SCAPER: variants seen among roughly 807,000 people sequenced by gnomAD.
The protein encoded by SCAPER is S-phase cyclin A associated protein in the ER.
A neutral mutation model predicts 182.2 loss-of-function variants in SCAPER; 98 were observed. The observed-to-expected ratio is 0.54, with a 90% CI of 0.46 to 0.64. SCAPER has a LOEUF of 0.64. Ranked by LOEUF, SCAPER falls within the 30% of genes least tolerant of loss-of-function variation. The pLI is 0.00. For synonymous variants in SCAPER, 605 were observed against 564.6 expected, an observed-to-expected ratio of 1.07 and a Z score of -1.01; for missense variants, 1,432 against 1,690.0, an observed-to-expected ratio of 0.85 and a Z score of 2.68.
intron 20 of SCAPER, among the ~76,000 whole-genome samples, chr15:76,686,942 C>CTAGGTTTG (rs1185632309): frequency 4.6e-5 from 7 of 151,942 alleles, no homozygotes; most frequent in Admixed American, 4.6e-4. Flanking sequence ...GCAACATTAA[C>CTAGGTTTG]CAAAACTAGG....
chr15:76,698,959 T>A (rs1240236041), intron 20 of SCAPER, among the ~76,000 whole-genome samples: 1 of 152,244 alleles, frequency 6.6e-6, no homozygotes, highest in African/African-American at 2.4e-5. Context: ...TTTGTAATTC[T>A]CATCTGTAGA....
At chr15:76,812,899 G>GAAA (rs199538401) in intron 5 of SCAPER, among the ~76,000 whole-genome samples, 2 of 145,048 alleles carry the variant, frequency 1.4e-5, no homozygotes, top group Non-Finnish European at 1.5e-5. Flanking sequence ...AATACTTCCA[G>GAAA]AAAAAAAAAA....
In SCAPER at chr15:76,711,190, T is replaced by G. The variant is rs560421793; in HGVS notation, c.2166-5206A>C. 2.0e-5 allele frequency among the ~76,000 whole-genome samples: 3 copies of G among 152,298 alleles called. No individual in the cohort carries two copies. In the South Asian group the frequency reaches 6.2e-4, roughly 32 times the overall value. On this transcript the variant is annotated intron_variant, in intron 17 of 31. Transcript: ENST00000563290. ...AAACCATTGTATATAAAATGAAAAT[T>G]TGATATACTGGACATCATCAAAATT...
intron 2 of SCAPER, among the ~76,000 whole-genome samples, 171 bp from the exon 3 acceptor site, chr15:76,862,704 A>G (rs968786116): frequency 2.6e-5 from 4 of 152,200 alleles, no homozygotes; most frequent in African/African-American, 9.6e-5. Context: ...TTTAGATCTA[A>G]AAACACTGAG....
chr15:76,493,624 GA>G (rs1434952762), intron 24 of SCAPER, among the ~76,000 whole-genome samples: 1 of 152,164 alleles, frequency 6.6e-6, no homozygotes, highest in African/African-American at 2.4e-5. Context: ...CTGTTAACAT[GA>G]ATTTGTTAAT....
At chr15:76,725,461 T>G (rs1308428154) in intron 17 of SCAPER, among the ~76,000 whole-genome samples, 1 of 145,368 alleles carries the variant, frequency 6.9e-6, no homozygotes, top group Non-Finnish European at 1.5e-5. Flanking sequence ...ATAGATTGAA[T>G]GCAATCCCTA....
At chr15:76,784,421 G>A (rs1295111690) in intron 8 of SCAPER, among the ~76,000 whole-genome samples, 1 of 152,146 alleles carries the variant, frequency 6.6e-6, no homozygotes, top group East Asian at 1.9e-4. Flanking sequence ...CCATGCTCAT[G>A]GACAGGAAGA....
intron 5 of SCAPER, among the ~76,000 whole-genome samples, chr15:76,809,320 T>A (rs1366121028): frequency 2.0e-5 from 3 of 152,056 alleles, no homozygotes; most frequent in African/African-American, 7.2e-5. Flanking sequence ...ACTTATCACA[T>A]AGAGAATTCA....
chr15:76,876,281 A>C (rs866698109), intron 2 of SCAPER, among the ~76,000 whole-genome samples: 32 of 152,246 alleles, frequency 2.1e-4, no homozygotes, highest in African/African-American at 6.0e-4. Flanking sequence ...GGCGGGCTGA[A>C]GGACTCCCCG....
chr15:76,533,236 TA>T (rs1304316041), intron 23 of SCAPER, among the ~76,000 whole-genome samples: 2 of 152,186 alleles, frequency 1.3e-5, no homozygotes, highest in Non-Finnish European at 2.9e-5. Flanking sequence ...AGTGCACTGT[TA>T]AAAATCAAAT....
intron 21 of SCAPER, among the ~76,000 whole-genome samples, chr15:76,633,699 G>T (rs944373716): frequency 6.6e-6 from 1 of 152,176 alleles, no homozygotes; most frequent in Non-Finnish European, 1.5e-5. Flanking sequence ...AAGCAGTCTG[G>T]CCACAAACTA....
intron 8 of SCAPER, among the ~76,000 whole-genome samples, chr15:76,779,250 T>C (rs984507603): frequency 1.3e-5 from 2 of 152,014 alleles, no homozygotes; most frequent in African/African-American, 4.8e-5. Flanking sequence ...AAATTTCAAA[T>C]GCTCACAGAA....
intron 23 of SCAPER, among the ~76,000 whole-genome samples, chr15:76,529,840 G>A (rs978096549): frequency 1.3e-5 from 2 of 152,182 alleles, no homozygotes; most frequent in Non-Finnish European, 2.9e-5. Flanking sequence ...CTAGGTGATT[G>A]TAAGTACTTT....
rs1303020713 is a variant in SCAPER, at chr15:76,655,698, C to CGTT, written c.2645+9954_2645+9955insAAC. 2.0e-5 allele frequency among the ~76,000 whole-genome samples: 3 copies of CGTT among 152,300 alleles called. No homozygotes were observed. In the South Asian group the frequency reaches 6.2e-4, roughly 32 times the overall value. ...TCACCCACAAAGTAAACTCATCAGGCTAACAGTGGATCTTTCAGCAGAAAC... is the reference window on the plus strand; with the variant it reads ...TCACCCACAAAGTAAACTCATCAGGCGTTTAACAGTGGATCTTTCAGCAGAAAC... On this transcript the variant is annotated intron_variant, in intron 21 of 31. Coordinates refer to ENST00000563290, the MANE Select transcript of SCAPER (RefSeq NM_020843.4).
intron 29 of SCAPER, among the ~76,000 whole-genome samples, chr15:76,370,557 G>A (rs906757516): frequency 6.6e-5 from 10 of 151,980 alleles, no homozygotes; most frequent in Non-Finnish European, 7.4e-5. Flanking sequence ...TGCCTGCCTC[G>A]GCTGCCCAAA....
At chr15:76,775,200 C>A in intron 8 of SCAPER, 83 bp from the exon 9 acceptor site, 1 of 1,258,496 alleles carries the variant, frequency 7.9e-7, no homozygotes, top group Non-Finnish European at 1.1e-6. Flanking sequence ...AAACATTTTC[C>A]AATTTAATTC....
intron 29 of SCAPER, among the ~76,000 whole-genome samples, chr15:76,363,429 C>T (rs1283654542): frequency 6.6e-6 from 1 of 152,222 alleles, no homozygotes; most frequent in East Asian, 1.9e-4. Flanking sequence ...AGCACCCTAA[C>T]TGGTCCAACA....
At chr15:76,669,256 GAAGA>G (rs2056843935) in intron 20 of SCAPER, among the ~76,000 whole-genome samples, 1 of 137,590 alleles carries the variant, frequency 7.3e-6, no homozygotes, top group Non-Finnish European at 1.6e-5. Context: ...ACAGACAAAT[GAAGA>G]AAGTATTCTC....
chr15:76,350,701 A>G (rs909031484), intron 31 of SCAPER: 10 of 152,252 alleles, frequency 6.6e-5, no homozygotes, highest in African/African-American at 2.4e-4. Context: ...TGCTATAGGA[A>G]AAAAAAACAA....
Sources: gnomAD v4.1 joint callset for allele counts (sites outside exome capture counted in the v4.1 genomes callset) on GRCh38, gnomAD v4.1.1 for gene constraint, MANE v1.5 for transcripts, NCBI Gene and HGNC (gene_info 2026-07-23, HGNC 2026-07-21) for gene names.